The following CABIN1 variants were observed in gnomAD, a reference collection of about 807,000 sequenced individuals.
CABIN1 encodes calcineurin binding protein 1.
CABIN1 carries 133 observed loss-of-function variants against 227.7 expected under a neutral mutation model. That is an observed-to-expected ratio of 0.58 (90% CI 0.51 to 0.67). The LOEUF (loss-of-function observed/expected upper bound fraction) is 0.67, where lower values mean the gene tolerates loss of function less well. Ranked by LOEUF, CABIN1 falls within the 30% of genes least tolerant of loss-of-function variation. The probability of loss-of-function intolerance (pLI) is 0.00; values close to 1 mark genes in which losing one functional copy is unlikely to be tolerated. For synonymous variants in CABIN1, 1,086 were observed against 1,155.1 expected, an observed-to-expected ratio of 0.94 and a Z score of 1.21; for missense variants, 2,408 against 2,852.5, an observed-to-expected ratio of 0.84 and a Z score of 3.55.
rs778876850 is a variant in CABIN1, at chr22:24,113,588, C to T, written c.4140C>T (p.Ala1380=). Residue 1380 remains alanine (A), a synonymous_variant, in exon 27 of 37, where the codon GCC becomes GCT. Coordinates refer to ENST00000263119, the MANE Select transcript of CABIN1 (RefSeq NM_012295.4). ...TPDDRSQDST[A]VALSDSSSTQ... Reference sequence around the variant, plus strand: ...CAGACCGAAGCCAGGACAGCACAGCCGTAGCACTCTCAGACTCTAGCTCAA... The same window carrying T: ...CAGACCGAAGCCAGGACAGCACAGCTGTAGCACTCTCAGACTCTAGCTCAA... 21 of 1,614,084 alleles carry T rather than the reference C, an allele frequency of 1.3e-5. 1 individual carries two copies. Among genetic ancestry groups the T allele is most frequent in the Middle Eastern group, 1.7e-4 (1 of 6,042 alleles).
At chr22:24,034,048 A>C (rs909928985) in intron 1 of CABIN1, among the ~76,000 whole-genome samples, 1 of 152,208 alleles carries the variant, frequency 6.6e-6, no homozygotes, top group Admixed American at 6.5e-5. Context: ...CTTTCACTTC[A>C]CATCATCAGG....
chr22:24,142,110 C>T (rs951550898), intron 29 of CABIN1, among the ~76,000 whole-genome samples: 1 of 152,114 alleles, frequency 6.6e-6, no homozygotes, highest in African/African-American at 2.4e-5. Context: ...GGAACCCCCT[C>T]CCTGCACCCA....
chr22:24,064,645 T>C, intron 15 of CABIN1, among the ~76,000 whole-genome samples: 1 of 150,446 alleles, frequency 6.6e-6, no homozygotes. Flanking sequence ...CTGGTTTTCC[T>C]AGGCAGAGGA....
chr22:24,126,431 C>G (rs915859162), intron 28 of CABIN1, among the ~76,000 whole-genome samples: 2 of 152,102 alleles, frequency 1.3e-5, no homozygotes, highest in Admixed American at 1.3e-4. Flanking sequence ...TGGACACACA[C>G]CCAAAACACA....
intron 29 of CABIN1, among the ~76,000 whole-genome samples, chr22:24,143,373 G>A (rs1196198539): frequency 6.6e-6 from 1 of 152,212 alleles, no homozygotes; most frequent in African/African-American, 2.4e-5. Context: ...CAGACTGAGA[G>A]GGAACCAGTG....
At chr22:24,099,519 G>GGGAA (rs1297604466) in intron 26 of CABIN1, among the ~76,000 whole-genome samples, 1 of 152,046 alleles carries the variant, frequency 6.6e-6, no homozygotes, top group African/African-American at 2.4e-5. Flanking sequence ...AAGCAGAGAT[G>GGGAA]GGAAGAACTG....
chr22:24,054,797 G>A, intron 8 of CABIN1, 76 bp from the exon 9 acceptor site: 1 of 1,593,092 alleles, frequency 6.3e-7, no homozygotes, highest in South Asian at 1.1e-5. Flanking sequence ...CTCTGTGCAG[G>A]CAGGCCATTT....
Position 24,084,771 on chromosome 22 carries a change from G to A in CABIN1, c.3103G>A (p.Gly1035Arg), listed in dbSNP as rs1181577749. Residue 1035 changes from glycine (G) to arginine (R), a missense_variant, in exon 21 of 37, where the codon GGA becomes AGA. Around this residue, in one of 3 missense-constraint regions of CABIN1, gnomAD observed 649 missense variants for 910.3 expected, o/e 0.71. Coordinates refer to ENST00000263119, the MANE Select transcript of CABIN1 (RefSeq NM_012295.4). ...SLDKVSAYIE[G>R]TSTEVPCLPE... ...GGACAAAGTCTCTGCCTACATTGAG[G>A]GAACTTCAACTGAGGTGGGCCCACA... 1 of 1,614,156 alleles carries A rather than the reference G, an allele frequency of 6.2e-7. No homozygotes were observed. Among genetic ancestry groups the A allele is most frequent in the African/African-American group, 1.3e-5 (1 of 75,024 alleles).
At position 24,054,918 on chromosome 22, in the gene CABIN1, C is replaced by T. The variant is rs76760361; in HGVS notation, c.852C>T (p.Leu284=). Residue 284 remains leucine (L), a synonymous_variant, in exon 9 of 37, where the codon CTC becomes CTT. Coordinates refer to ENST00000263119, the MANE Select transcript of CABIN1 (RefSeq NM_012295.4). ...GCTTGCTGGCCATGTACAATCATCT[C>T]ACCACCTGTGAGCCCCCACGTCCCA... ...GESLLAMYNH[L]TTCEPPRPSL... The T allele has an allele frequency of 1.8e-3, 2,972 of 1,614,220 alleles. 9 individuals carry two copies. The highest frequency in any genetic ancestry group is 2.0e-3 in the Non-Finnish European group (2,309 of 1,180,036).
chr22:24,155,104 C>G (rs1206198225), intron 29 of CABIN1, among the ~76,000 whole-genome samples: 1 of 152,178 alleles, frequency 6.6e-6, no homozygotes, highest in Non-Finnish European at 1.5e-5. Context: ...CCCTGCCTTT[C>G]CTTGGCCTCC....
At chr22:24,038,812 A>G (rs2037129533) in intron 4 of CABIN1, among the ~76,000 whole-genome samples, 1 of 152,228 alleles carries the variant, frequency 6.6e-6, no homozygotes, top group South Asian at 2.1e-4. Flanking sequence ...CCATCCAAGT[A>G]AGTGAAGCAT....
At chr22:24,088,294 C>G (rs1477591566) in intron 23 of CABIN1, among the ~76,000 whole-genome samples, 1 of 152,172 alleles carries the variant, frequency 6.6e-6, no homozygotes, top group Non-Finnish European at 1.5e-5. Flanking sequence ...ACCGCCTCCT[C>G]TTTAACATTA....
At chr22:24,012,389 G>A (rs1170114613) in intron 1 of CABIN1, among the ~76,000 whole-genome samples, 1 of 152,126 alleles carries the variant, frequency 6.6e-6, no homozygotes, top group Non-Finnish European at 1.5e-5. Flanking sequence ...AAAAGGGTGG[G>A]CTGGTTAGCT....
At chr22:24,114,062 TTG>T (rs2042951744) in intron 27 of CABIN1, among the ~76,000 whole-genome samples, 5 of 82,158 alleles carry the variant, frequency 6.1e-5, no homozygotes, top group African/African-American at 3.5e-4. Flanking sequence ...TCTGTTTTTG[TTG>T]TTGTTGTTGT....
At chr22:24,125,790 A>T (rs371530149) in intron 28 of CABIN1, among the ~76,000 whole-genome samples, 33 of 152,290 alleles carry the variant, frequency 2.2e-4, no homozygotes, top group African/African-American at 7.5e-4. Flanking sequence ...GTCAAGCTTT[A>T]GTTTGTATAG....
At chr22:24,174,785 T>C (rs376142551) in intron 34 of CABIN1, among the ~76,000 whole-genome samples, 1 of 152,018 alleles carries the variant, frequency 6.6e-6, no homozygotes. Context: ...CCCCGGATCA[T>C]GGTGACTGGT....
Position 24,085,026 on chromosome 22 carries a change from G to T in CABIN1, c.3138G>T (p.Gly1046=). 1 of 1,614,204 alleles carries T rather than the reference G, an allele frequency of 6.2e-7. No individual in the cohort carries two copies. Residue 1046 remains glycine, a synonymous_variant, in exon 22 of 37, where the codon GGG becomes GGT. Coordinates refer to ENST00000263119, the MANE Select transcript of CABIN1 (RefSeq NM_012295.4). ...TSTEVPCLPE[G]ADPSPPVVNE... ...GCCAGGTACCCTGCCTCCCAGAGGG[G>T]GCTGACCCCTCCCCTCCAGTGGTGA... is the stretch of plus-strand genomic sequence containing the variant.
intron 29 of CABIN1, among the ~76,000 whole-genome samples, chr22:24,155,234 G>C (rs2045713866): frequency 6.6e-6 from 1 of 152,140 alleles, no homozygotes; most frequent in Admixed American, 6.5e-5. Flanking sequence ...AGGGGCATTG[G>C]CCAGACGCTG....
Position 24,178,386 on chromosome 22 carries a change from G to T in CABIN1, c.*190G>T, listed in dbSNP as rs1383295829. ...GTCAGGCTGTCCACACCACATGGGA[G>T]CCCAGAGGAGGAGGGGCCCGCCTTA... is the stretch of plus-strand genomic sequence containing the variant. On this transcript the variant is annotated 3_prime_UTR_variant, in exon 37 of 37. Coordinates refer to ENST00000263119, the MANE Select transcript of CABIN1 (RefSeq NM_012295.4). 1.0e-5 allele frequency: 7 copies of T among 672,190 alleles called. No individual in the cohort carries two copies. Among genetic ancestry groups the T allele is most frequent in the Non-Finnish European group, 1.5e-5 (6 of 403,274 alleles). 41.6% of individuals were successfully genotyped at this position (672,190 alleles called of 1,614,324 possible). A position where few individuals can be genotyped will look rare whatever the true frequency, so the allele number is the denominator to read the frequency against.
Sources: gnomAD v4.1 joint callset for allele counts (sites outside exome capture counted in the v4.1 genomes callset) on GRCh38, gnomAD v4.1.1 for gene constraint, gnomAD v4.1.1 regional missense constraint, MANE v1.5 for transcripts, NCBI Gene and HGNC (gene_info 2026-07-23, HGNC 2026-07-21) for gene names.